The following PDCD11 variants were observed in gnomAD, a reference collection of about 807,000 sequenced individuals.
PDCD11 encodes the protein protein RRP5 homolog.
A neutral mutation model predicts 198.9 loss-of-function variants in PDCD11; 97 were observed. That is an observed-to-expected ratio of 0.49 (90% CI 0.41 to 0.58). The LOEUF (loss-of-function observed/expected upper bound fraction) is 0.58, where lower values mean the gene tolerates loss of function less well. PDCD11 is among the 20% of genes least tolerant of loss of function. PDCD11 has a pLI of 0.00. For missense variants in PDCD11, 2,102 were observed against 2,312.7 expected (o/e 0.91, Z 1.87); for synonymous variants, 893 against 918.0 (o/e 0.97, Z 0.49).
chr10:103,415,282 T>G (rs1289656674), intron 12 of PDCD11, 131 bp downstream of exon 12: 24 of 886,116 alleles, frequency 2.7e-5, no homozygotes, highest in Non-Finnish European at 4.0e-5. Flanking sequence ...TACCTGGCAT[T>G]GGGAAGAGAA....
intron 21 of PDCD11, 95 bp from the exon 22 acceptor site, chr10:103,432,034 T>C: frequency 1.1e-6 from 1 of 892,604 alleles, no homozygotes; most frequent in South Asian, 1.3e-5. Flanking sequence ...GGGAGTCCCG[T>C]ACAGTCAATC....
chr10:103,437,943 A>G, intron 25 of PDCD11, 72 bp from the exon 26 acceptor site: 1 of 1,197,284 alleles, frequency 8.4e-7, no homozygotes, highest in Non-Finnish European at 1.2e-6. Flanking sequence ...CCTGGAGGAG[A>G]GGAAGCTGAG....
intron 18 of PDCD11, 111 bp from the exon 19 acceptor site, chr10:103,423,432 T>C (rs1173916018): frequency 3.7e-6 from 3 of 808,332 alleles, no homozygotes; most frequent in African/African-American, 3.4e-5. Context: ...ACCCAGGACA[T>C]GTGTCCTCTT....
rs911932304 is a variant in PDCD11, at chr10:103,435,608, G to T, written c.3845+633G>T. Among the ~76,000 whole-genome samples the T allele has an allele frequency of 2.0e-5, 3 of 151,942 alleles. No homozygotes were observed. The South Asian group carries it at 6.2e-4, about 31-fold the overall frequency. ...TCAGCTCACTGCAGTCTCCTCCCAA[G>T]TTCAAGCAATTCTCCTGCCTCAGCC... On this transcript the variant is annotated intron_variant, in intron 25 of 35. Transcript: ENST00000369797.
At chr10:103,430,883 C>T (rs1371988386) in intron 21 of PDCD11, among the ~76,000 whole-genome samples, 8 of 151,992 alleles carry the variant, frequency 5.3e-5, no homozygotes, top group Admixed American at 2.0e-4. Context: ...ACTGCAACCT[C>T]TACCTCCTGG....
chr10:103,408,329 G>A (rs1030365767), intron 7 of PDCD11, among the ~76,000 whole-genome samples: 1 of 151,962 alleles, frequency 6.6e-6, no homozygotes, highest in Non-Finnish European at 1.5e-5. Flanking sequence ...TTGGTCCCAT[G>A]TATTCTTCTT....
rs2032349288 is a variant in PDCD11 at position 103,440,740 on chromosome 10, G to A, written c.4447G>A (p.Val1483Met). 1 of 1,614,198 alleles carries A rather than the reference G, an allele frequency of 6.2e-7. No individual in the cohort carries two copies. The highest frequency in any genetic ancestry group is 8.5e-7 in the Non-Finnish European group (1 of 1,180,038). ...CTCCCACCTGGCCTCTCAGGAAAGA[G>A]TGAGCAAGAAGCCAAAGAAAGCCGG... Reference protein sequence around the residue: ...CRESGSEQERVSKKPKKAGLS... With the variant: ...CRESGSEQERMSKKPKKAGLS... Residue 1483 changes from valine (V) to methionine (M), a missense_variant, in exon 30 of 36, where the codon GTG becomes ATG. By Grantham distance (21) the Val-to-Met change is conservative. Coordinates refer to ENST00000369797, the MANE Select transcript of PDCD11 (RefSeq NM_014976.2).
At chr10:103,443,870 C>G (rs2032490968) in intron 33 of PDCD11, 45 bp from the exon 34 acceptor site, 2 of 1,594,912 alleles carry the variant, frequency 1.3e-6, no homozygotes, top group Non-Finnish European at 8.6e-7. Context: ...CTTGTCCCCT[C>G]TGTAGTATCA....
At position 103,402,456 on chromosome 10, in the gene PDCD11, G is replaced by A. The variant is rs192958450; in HGVS notation, c.235-662G>A. On this transcript the variant is annotated intron_variant, in intron 3 of 35. Coordinates refer to ENST00000369797, the MANE Select transcript of PDCD11 (RefSeq NM_014976.2). Reference sequence around the variant, plus strand: ...TATTTATTTTTATTTTTTTATTTTCGAGACAGAGTTTCACTCTTGTTGCCC... The same window carrying A: ...TATTTATTTTTATTTTTTTATTTTCAAGACAGAGTTTCACTCTTGTTGCCC... Among the ~76,000 whole-genome samples the A allele has an allele frequency of 2.8e-3, 430 of 151,396 alleles. 2 individuals are homozygous for A. The highest frequency in any genetic ancestry group is 3.8e-3 in the Non-Finnish European group (256 of 67,922).
chr10:103,398,398 C>A lies in PDCD11; in HGVS notation c.-11-18C>A. The stretch of plus-strand genomic sequence containing the variant: ...TACCAAGACAACATGTCACCATTAT[C>A]CTTTGCATTGTTTTTAGGAGACCCA... On this transcript the variant is annotated intron_variant, in intron 1 of 35. Coordinates refer to ENST00000369797, the MANE Select transcript of PDCD11 (RefSeq NM_014976.2). The A allele has an allele frequency of 2.1e-6, 3 of 1,431,208 alleles. No homozygotes were observed. Among genetic ancestry groups the A allele is most frequent in the Non-Finnish European group, 3.0e-6 (3 of 1,013,346 alleles). The allele number at this position is 1,431,208 out of a possible 1,614,324, so 88.7% of individuals were successfully genotyped here.
chr10:103,438,510 T>A (rs2032244986), intron 26 of PDCD11, among the ~76,000 whole-genome samples, 176 bp from the exon 27 acceptor site: 1 of 152,232 alleles, frequency 6.6e-6, no homozygotes. Flanking sequence ...CCCAGGCACC[T>A]GCTTCTGGCC....
intron 11 of PDCD11, 27 bp from the exon 12 acceptor site, chr10:103,414,978 G>A: frequency 6.2e-7 from 1 of 1,612,708 alleles, no homozygotes; most frequent in Non-Finnish European, 8.5e-7. Flanking sequence ...TTGAGACATT[G>A]TGGCAGCTTA....
In PDCD11 at chr10:103,425,060, C is replaced by CCACCT; in HGVS notation, c.2840_2841insCACCT (p.Gly948ThrfsTer10). 6.2e-7 allele frequency: 1 copy of CCACCT among 1,614,246 alleles called. No homozygotes were observed. Among genetic ancestry groups the CCACCT allele is most frequent in the South Asian group, 1.1e-5 (1 of 91,088 alleles). The stretch of plus-strand genomic sequence containing the variant: ...TTTGCCATTGCCTCCTTGGTAGAGA[C>CCACCT]GGGCCACCTGGCAGCTTTCTCCCTG... On this transcript the variant is annotated frameshift_variant, in exon 20 of 36. Coordinates refer to ENST00000369797, the MANE Select transcript of PDCD11 (RefSeq NM_014976.2). LOFTEE classifies it high-confidence loss of function.
rs752921870 is a variant in PDCD11 at position 103,406,770 on chromosome 10, G to A, written c.850G>A (p.Val284Ile). Residue 284 changes from valine (V) to isoleucine (I), a missense_variant, in exon 7 of 36, where the codon GTC (valine) becomes ATC (isoleucine). Val to Ile is a conservative substitution (Grantham distance 29). Coordinates refer to ENST00000369797, the MANE Select transcript of PDCD11 (RefSeq NM_014976.2). ...NLNNLLPGLV[V>I]KAQVQKVTPF... ...TAATAACTTGCTACCAGGACTGGTG[G>A]TCAAAGCTCAGGTACAGAAGGTAAG... 5 of 1,613,938 alleles carry A rather than the reference G, an allele frequency of 3.1e-6. No individual in the cohort carries two copies. In the South Asian group the frequency reaches 4.4e-5, roughly 14 times the overall value.
At chr10:103,444,731 TAGGCACTGGTCCCAC>T in intron 35 of PDCD11, 49 bp downstream of exon 35, 1 of 1,560,692 alleles carries the variant, frequency 6.4e-7, no homozygotes, top group South Asian at 1.1e-5. Flanking sequence ...GAGGGCGTGG[TAGGCACTGGTCCCAC>T]AGCAGCTCTC....
At chr10:103,418,039 C>G in intron 14 of PDCD11, 107 bp downstream of exon 14, 5 of 1,297,742 alleles carry the variant, frequency 3.9e-6, no homozygotes, top group Non-Finnish European at 5.5e-6. Flanking sequence ...ATAGAGGTAG[C>G]TAGATAAGAT....
intron 6 of PDCD11, 100 bp from the exon 7 acceptor site, chr10:103,406,509 C>A (rs570516322): frequency 9.0e-6 from 9 of 1,002,498 alleles, no homozygotes; most frequent in Non-Finnish European, 1.3e-5. Context: ...GCTAACTGGG[C>A]AGGTAGGCCA....
chr10:103,445,738 A>G lies in PDCD11; in HGVS notation c.*189A>G, dbSNP rs2032583175. 1 of 565,288 alleles carries G rather than the reference A, an allele frequency of 1.8e-6. No homozygotes were observed. The allele number at this position is 565,288 out of a possible 1,614,324, so 35.0% of individuals were successfully genotyped here. A position where few individuals can be genotyped will look rare whatever the true frequency, so the allele number is the denominator to read the frequency against. On this transcript the variant is annotated 3_prime_UTR_variant, in exon 36 of 36. Coordinates refer to ENST00000369797, the MANE Select transcript of PDCD11 (RefSeq NM_014976.2). ...TTTTAAATCCCTCTTCGCTTGCTTT[A>G]TTTTCAGTACCAACTTGTTATCTTT...
intron 35 of PDCD11, 102 bp from the exon 36 acceptor site, chr10:103,445,276 G>C (rs2032557267): frequency 9.8e-7 from 1 of 1,022,280 alleles, no homozygotes; most frequent in African/African-American, 1.6e-5. Flanking sequence ...CTGGATGGGA[G>C]AGGGTCCTGG....
Sources: allele counts gnomAD v4.1 joint callset (sites outside exome capture counted in the v4.1 genomes callset), GRCh38; gene constraint gnomAD v4.1.1; transcripts MANE v1.5; gene names NCBI Gene and HGNC (gene_info 2026-07-23, HGNC 2026-07-21).